The following WWOX variants were observed in gnomAD, a reference collection of about 807,000 sequenced individuals.
WWOX encodes the protein WW domain containing oxidoreductase.
WWOX carries 69 observed loss-of-function variants against 46.2 expected under a neutral mutation model. The ratio of observed to expected loss-of-function variants is 1.49; its 90% CI spans 1.23 to 1.82. The LOEUF is 1.82. Among genes scored for constraint, WWOX ranks in the 40% most tolerant of loss-of-function variants. The pLI is 0.00. For synonymous variants in WWOX, 359 were observed against 202.6 expected (o/e 1.77, Z -6.56); for missense variants, 919 against 542.6 (o/e 1.69, Z -6.89).
chr16:78,327,550 C>G (rs888069045), intron 5 of WWOX, among the ~76,000 whole-genome samples: 6 of 152,160 alleles, frequency 3.9e-5, no homozygotes, highest in Non-Finnish European at 7.3e-5. Context: ...CAGCCCATCT[C>G]CTCCAATCAT....
chr16:78,533,779 G>C (rs2860236), intron 8 of WWOX, among the ~76,000 whole-genome samples: 108,180 of 152,036 alleles, frequency 0.71, 39,926 homozygotes, highest in Admixed American at 0.82. Flanking sequence ...GAAGTTGTAG[G>C]CCCCTCCCGA....
At chr16:79,010,446 C>G (rs1261974457) in intron 8 of WWOX, among the ~76,000 whole-genome samples, 1 of 152,156 alleles carries the variant, frequency 6.6e-6, no homozygotes, top group Non-Finnish European at 1.5e-5. Flanking sequence ...TGCCACTGGG[C>G]AGGGCATCCC....
chr16:78,975,966 A>G (rs573565179), intron 8 of WWOX, among the ~76,000 whole-genome samples: 1 of 152,214 alleles, frequency 6.6e-6, no homozygotes, highest in Admixed American at 6.5e-5. Flanking sequence ...CCTGCCTTTT[A>G]GTTGCCGGTG....
At chr16:78,537,457 C>T (rs1206370597) in intron 8 of WWOX, among the ~76,000 whole-genome samples, 1 of 152,234 alleles carries the variant, frequency 6.6e-6, no homozygotes, top group Non-Finnish European at 1.5e-5. Context: ...GTGATACCTA[C>T]TGCCTTTTAA....
rs183533187 is a variant in WWOX at position 78,793,971 on chromosome 16, C to G, written c.1056+361219C>G. 9.3e-3 allele frequency among the ~76,000 whole-genome samples: 1,407 copies of G among 152,096 alleles called. 11 individuals are homozygous for G. Among genetic ancestry groups the G allele is most frequent in the South Asian group, 0.018 (86 of 4,820 alleles). On this transcript the variant is annotated intron_variant, in intron 8 of 8. Coordinates refer to ENST00000566780, the MANE Select transcript of WWOX (RefSeq NM_016373.4). ...GTAGGGCAGGTAGGGCTCAGAAAGA[C>G]CCATGCCATATAGCAAAGTTCTTAG...
intron 8 of WWOX, among the ~76,000 whole-genome samples, chr16:78,481,413 A>G (rs112627586): frequency 9.1e-4 from 139 of 152,266 alleles, no homozygotes; most frequent in African/African-American, 3.3e-3. Flanking sequence ...ATCCTGAAAT[A>G]AAAGGTTTCA....
chr16:78,868,935 G>C (rs569186682), intron 8 of WWOX, among the ~76,000 whole-genome samples: 1 of 151,832 alleles, frequency 6.6e-6, no homozygotes. Flanking sequence ...ACACACCTGC[G>C]TGCAAACGTC....
At chr16:78,364,050 C>A (rs75441700) in intron 5 of WWOX, among the ~76,000 whole-genome samples, 1 of 152,206 alleles carries the variant, frequency 6.6e-6, no homozygotes, top group Non-Finnish European at 1.5e-5. Context: ...CACATCCCCC[C>A]ACTCAGTCTT....
intron 8 of WWOX, among the ~76,000 whole-genome samples, chr16:78,788,371 T>C (rs1178327964): frequency 6.6e-6 from 1 of 152,214 alleles, no homozygotes; most frequent in African/African-American, 2.4e-5. Flanking sequence ...CCTGTCCTTC[T>C]TTCACCTGCC....
At chr16:78,570,821 G>A (rs1396519554) in intron 8 of WWOX, among the ~76,000 whole-genome samples, 2 of 152,318 alleles carry the variant, frequency 1.3e-5, no homozygotes, top group Admixed American at 1.3e-4. Flanking sequence ...GGCTGGAAAT[G>A]AATGGCAGGG....
At chr16:78,477,686 A>C (rs1312218112) in intron 8 of WWOX, among the ~76,000 whole-genome samples, 1 of 152,196 alleles carries the variant, frequency 6.6e-6, no homozygotes, top group Non-Finnish European at 1.5e-5. Flanking sequence ...CTATAAACTG[A>C]AATGGCAATT....
chr16:78,860,307 C>G (rs146640376), intron 8 of WWOX, among the ~76,000 whole-genome samples: 38 of 152,272 alleles, frequency 2.5e-4, no homozygotes, highest in Middle Eastern at 3.4e-3. Context: ...TAGTGGCCTA[C>G]TTCTGTGAAG....
intron 8 of WWOX, among the ~76,000 whole-genome samples, chr16:78,495,453 T>C (rs2084893206): frequency 1.2e-5 from 1 of 85,682 alleles, no homozygotes; most frequent in South Asian, 4.2e-4. Flanking sequence ...TAGTAGACTT[T>C]TGATAGGGTT....
At chr16:79,137,528 G>T (rs564144202) in intron 8 of WWOX, among the ~76,000 whole-genome samples, 21 of 152,300 alleles carry the variant, frequency 1.4e-4, no homozygotes, top group Admixed American at 1.2e-3. Flanking sequence ...TGGACCCGTG[G>T]CATTGTCCCG....
At chr16:79,069,198 T>C (rs1284677568) in intron 8 of WWOX, among the ~76,000 whole-genome samples, 2 of 152,178 alleles carry the variant, frequency 1.3e-5, no homozygotes, top group Non-Finnish European at 2.9e-5. Context: ...TGACCTGGAA[T>C]GGTGGAAAAT....
At position 79,057,987 on chromosome 16, in the gene WWOX, G is replaced by T. The variant is rs151208842; in HGVS notation, c.1057-153621G>T. Among the ~76,000 whole-genome samples the T allele has an allele frequency of 6.6e-5, 10 of 152,040 alleles. No homozygotes were observed. In the East Asian group the frequency reaches 1.9e-3, roughly 29 times the overall value. On this transcript the variant is annotated intron_variant, in intron 8 of 8. Coordinates refer to ENST00000566780, the MANE Select transcript of WWOX (RefSeq NM_016373.4). ...TGCTTCTTCTCGGGCTCTTATTCAA[G>T]CTCACGATGCTATTCTCATAGTGAT...
chr16:78,681,205 T>C (rs1219065224), intron 8 of WWOX, among the ~76,000 whole-genome samples: 3 of 151,922 alleles, frequency 2.0e-5, no homozygotes, highest in Admixed American at 6.6e-5. Flanking sequence ...GCCGAGATCA[T>C]GCCACAGCCT....
At chr16:78,314,104 C>G (rs1279192395) in intron 5 of WWOX, among the ~76,000 whole-genome samples, 1 of 152,058 alleles carries the variant, frequency 6.6e-6, no homozygotes, top group Non-Finnish European at 1.5e-5. Flanking sequence ...ACACAAAGCA[C>G]TTCTAAGAAA....
At chr16:78,865,274 C>T (rs750821655) in intron 8 of WWOX, among the ~76,000 whole-genome samples, 1 of 151,916 alleles carries the variant, frequency 6.6e-6, no homozygotes. Context: ...CCCTTCTTCA[C>T]TTTCTCTGTT....
Sources: gnomAD v4.1 joint callset for allele counts (sites outside exome capture counted in the v4.1 genomes callset) on GRCh38, gnomAD v4.1.1 for gene constraint, MANE v1.5 for transcripts, NCBI Gene and HGNC (gene_info 2026-07-23, HGNC 2026-07-21) for gene names.